The following PRDM16 variants were observed in gnomAD, a reference collection of about 807,000 sequenced individuals.
The protein encoded by PRDM16 is histone-lysine N-methyltransferase PRDM16.
PRDM16 carries 23 observed loss-of-function variants against 110.6 expected under a neutral mutation model. That is an observed-to-expected ratio of 0.21 (90% CI 0.15 to 0.29). The LOEUF is 0.29. PRDM16 is among the 10% of genes least tolerant of loss of function. PRDM16 has a pLI of 1.00. For synonymous variants in PRDM16, 799 were observed against 781.8 expected (o/e 1.02, Z -0.37); for missense variants, 1,615 against 1,794.3 (o/e 0.90, Z 1.81).
rs748281037 is a variant in PRDM16, at chr1:3,426,183, C to A, written c.3242C>A (p.Ala1081Asp). ...TTCTCGGAAATCAGAAACTTTATTG[C>A]CAATAGTGAGATGAACCAAGCATCA... ...SYFSEIRNFI[A>D]NSEMNQASTR... The change falls in exon 14 of 17, where the codon GCC (alanine) becomes GAC (aspartate). Residue 1081 changes from alanine (A) to aspartate (D), a missense_variant. Ala to Asp is a moderately radical substitution (Grantham distance 126). This residue lies in a region of PRDM16 where 327 missense variants were observed against 359.3 expected (regional missense o/e 0.91). Coordinates refer to ENST00000270722, the MANE Select transcript of PRDM16 (RefSeq NM_022114.4). The A allele has an allele frequency of 3.1e-6, 5 of 1,613,828 alleles. No individual in the cohort carries two copies. The East Asian group carries it at 1.1e-4, about 36-fold the overall frequency.
intron 2 of PRDM16, among the ~76,000 whole-genome samples, chr1:3,202,203 G>C (rs1283801640): frequency 6.6e-6 from 1 of 152,188 alleles, no homozygotes; most frequent in East Asian, 1.9e-4. Context: ...GGCATTACAT[G>C]AGGGGAAACT....
chr1:3,397,152 A>G (rs1049664943), intron 5 of PRDM16, among the ~76,000 whole-genome samples: 7 of 152,228 alleles, frequency 4.6e-5, no homozygotes, highest in African/African-American at 1.7e-4. Context: ...GTGCATCTGT[A>G]GCTAAAACTC....
chr1:3,257,079 G>A (rs1022702001), intron 3 of PRDM16, among the ~76,000 whole-genome samples: 4 of 152,214 alleles, frequency 2.6e-5, no homozygotes, highest in East Asian at 1.9e-4. Context: ...AGTGACGCAC[G>A]TAGGGCTGTG....
At chr1:3,233,855 T>A (rs924362483) in intron 2 of PRDM16, among the ~76,000 whole-genome samples, 1 of 151,236 alleles carries the variant, frequency 6.6e-6, no homozygotes, top group South Asian at 2.1e-4. Context: ...GCTTTTTATA[T>A]GCCAATCATA....
At chr1:3,409,744 G>A (rs1643639221) in intron 8 of PRDM16, among the ~76,000 whole-genome samples, 1 of 147,458 alleles carries the variant, frequency 6.8e-6, no homozygotes, top group Non-Finnish European at 1.5e-5. Flanking sequence ...GTGGGTGTGT[G>A]TGTGGTGTGG....
At chr1:3,279,043 G>A (rs1268982576) in intron 3 of PRDM16, among the ~76,000 whole-genome samples, 2 of 152,246 alleles carry the variant, frequency 1.3e-5, no homozygotes, top group Non-Finnish European at 2.9e-5. Context: ...GGGCAGCTGG[G>A]CTGGCTCCAG....
rs1229824191 is a variant in PRDM16, at chr1:3,435,744, G to A, written c.*1933G>A. ...AGCGGTGACGGGAGGTGTCCTGGCT[G>A]CTCCAGGACAAAAGACAATCGTCTC... On this transcript the variant is annotated 3_prime_UTR_variant, in exon 17 of 17. Transcript: ENST00000270722. The A allele has an allele frequency of 1.3e-5, 3 of 232,472 alleles. No individual in the cohort carries two copies. The highest frequency in any genetic ancestry group is 1.7e-5 in the Non-Finnish European group (2 of 117,636). The allele number at this position is 232,472 out of a possible 1,614,324, so 14.4% of individuals were successfully genotyped here.
At chr1:3,263,297 G>T (rs1569950183) in intron 3 of PRDM16, among the ~76,000 whole-genome samples, 1 of 152,206 alleles carries the variant, frequency 6.6e-6, no homozygotes, top group South Asian at 2.1e-4. Flanking sequence ...TTTGTCAAAG[G>T]CCTCACCCCC....
intron 1 of PRDM16, among the ~76,000 whole-genome samples, chr1:3,171,092 C>T (rs1644020243): frequency 1.3e-5 from 2 of 152,246 alleles, no homozygotes; most frequent in Non-Finnish European, 2.9e-5. Flanking sequence ...GAGACCTGCA[C>T]CTTCCAGACT....
chr1:3,323,224 C>T (rs531377310), intron 3 of PRDM16, among the ~76,000 whole-genome samples: 15 of 152,322 alleles, frequency 9.8e-5, no homozygotes, highest in South Asian at 6.2e-4. Flanking sequence ...CAGGTCTCAC[C>T]GGTACAGGTG....
chr1:3,405,389 G>C lies in PRDM16; in HGVS notation c.1033-106G>C. Reference sequence around the variant, plus strand: ...TGGTGCAGACTGCAACGTGGCAAGAGAGACAGGCAGGGCCCTGCCCCCCAC... The same window carrying C: ...TGGTGCAGACTGCAACGTGGCAAGACAGACAGGCAGGGCCCTGCCCCCCAC... On this transcript the variant is annotated intron_variant, in intron 7 of 16. Transcript: ENST00000270722. 1.5e-6 allele frequency: 2 copies of C among 1,318,928 alleles called. 1 individual carries two copies. Among genetic ancestry groups the C allele is most frequent in the East Asian group, 5.2e-5 (2 of 38,434 alleles). The allele number at this position is 1,318,928 out of a possible 1,614,324, so 81.7% of individuals were successfully genotyped here.
chr1:3,314,150 C>T (rs1472649639), intron 3 of PRDM16, among the ~76,000 whole-genome samples: 1 of 148,260 alleles, frequency 6.7e-6, no homozygotes, highest in Non-Finnish European at 1.5e-5. Flanking sequence ...TGGAGTGGCC[C>T]AGGGAGTCCT....
chr1:3,077,667 C>T (rs1165999519), intron 1 of PRDM16, among the ~76,000 whole-genome samples: 1 of 152,156 alleles, frequency 6.6e-6, no homozygotes, highest in African/African-American at 2.4e-5. Flanking sequence ...ATCTCCTTGG[C>T]CTGTTTGGGA....
At chr1:3,172,590 C>G (rs35019643) in intron 1 of PRDM16, among the ~76,000 whole-genome samples, 7,981 of 152,338 alleles carry the variant, frequency 0.052, 229 homozygotes, top group Admixed American at 0.072. Context: ...AAGGCGGCAC[C>G]CACATGCCTG....
intron 6 of PRDM16, 124 bp downstream of exon 6, chr1:3,403,122 G>A (rs1643502974): frequency 2.3e-6 from 2 of 883,856 alleles, no homozygotes; most frequent in Non-Finnish European, 1.8e-6. Context: ...CCCAACAGGT[G>A]TAGACAAAGG....
intron 3 of PRDM16, among the ~76,000 whole-genome samples, chr1:3,302,933 A>G (rs2500282): frequency 0.8 from 122,112 of 152,070 alleles, 49,467 homozygotes; most frequent in East Asian, 0.99. Flanking sequence ...TCACAAAGAC[A>G]TCTTAGCAAG....
chr1:3,164,624 G>T (rs2651900), intron 1 of PRDM16, among the ~76,000 whole-genome samples: 25,753 of 152,194 alleles, frequency 0.17, 2,296 homozygotes, highest in South Asian at 0.23. Context: ...ACCATGGTCG[G>T]AGGTGTGAGG....
intron 1 of PRDM16, among the ~76,000 whole-genome samples, chr1:3,145,293 G>A (rs1643625750): frequency 6.6e-6 from 1 of 152,198 alleles, no homozygotes; most frequent in African/African-American, 2.4e-5. Context: ...CTGTCAGCCC[G>A]TAAACCATTG....
chr1:3,261,998 G>T (rs933254784), intron 3 of PRDM16, among the ~76,000 whole-genome samples: 3 of 152,234 alleles, frequency 2.0e-5, no homozygotes, highest in Non-Finnish European at 4.4e-5. Flanking sequence ...GGAGCTGAAT[G>T]GAAGCTTCCA....
Sources: gnomAD v4.1 joint callset for allele counts (sites outside exome capture counted in the v4.1 genomes callset) on GRCh38, gnomAD v4.1.1 for gene constraint, gnomAD v4.1.1 regional missense constraint, MANE v1.5 for transcripts, NCBI Gene and HGNC (gene_info 2026-07-23, HGNC 2026-07-21) for gene names.